Variants in SGCD observed in about 807,000 individuals in gnomAD.
The protein encoded by SGCD is delta-sarcoglycan.
In SGCD, 18 loss-of-function variants were observed where a neutral mutation model predicts 36.6. The observed-to-expected ratio is 0.49, with a 90% confidence interval of 0.34 to 0.73. The LOEUF (loss-of-function observed/expected upper bound fraction) is 0.73. Among genes scored for constraint, SGCD ranks in the 30% least tolerant of loss-of-function variants. The probability of loss-of-function intolerance (pLI) is 0.01; values close to 1 mark genes in which losing one functional copy is unlikely to be tolerated. For synonymous variants in SGCD, 133 were observed against 130.6 expected (o/e 1.02, Z -0.12); for missense variants, 387 against 346.7 (o/e 1.12, Z -0.92).
At chr5:156,212,079 C>T (rs1022589161) in intron 3 of SGCD, among the ~76,000 whole-genome samples, 1 of 152,028 alleles carries the variant, frequency 6.6e-6, no homozygotes, top group African/African-American at 2.4e-5. Context: ...CAAAGGAAGC[C>T]AGCAACAGAA....
At chr5:156,718,248 A>G (rs1001691564) in intron 7 of SGCD, among the ~76,000 whole-genome samples, 1 of 152,142 alleles carries the variant, frequency 6.6e-6, no homozygotes, top group Non-Finnish European at 1.5e-5. Flanking sequence ...TGCAGTACAC[A>G]TGAGGAGTAC....
intron 1 of SGCD, among the ~76,000 whole-genome samples, chr5:156,062,096 C>T (rs2127584334): frequency 1.2e-5 from 1 of 83,776 alleles, no homozygotes; most frequent in East Asian, 2.8e-4. Context: ...CCCGACCCCA[C>T]CACAGTCCCC....
intron 3 of SGCD, among the ~76,000 whole-genome samples, chr5:156,161,491 G>A (rs557009305): frequency 2.6e-5 from 4 of 151,982 alleles, no homozygotes; most frequent in South Asian, 2.1e-4. Flanking sequence ...CAAGGGCATC[G>A]TCTGTTGTCT....
chr5:156,400,772 TG>T (rs1772104886), intron 3 of SGCD, among the ~76,000 whole-genome samples: 1 of 152,238 alleles, frequency 6.6e-6, no homozygotes, highest in African/African-American at 2.4e-5. Context: ...TGATTTGAAA[TG>T]TGTTATTCAT....
At chr5:155,736,332 A>C in the SGCD span, among the ~76,000 whole-genome samples, 1 of 152,302 alleles carries the variant, frequency 6.6e-6, no homozygotes, top group South Asian at 2.1e-4. Context: ...CTGATTATTC[A>C]AGGAAAGAAG....
At chr5:156,181,290 G>A (rs1581151752) in intron 3 of SGCD, among the ~76,000 whole-genome samples, 1 of 152,184 alleles carries the variant, frequency 6.6e-6, no homozygotes, top group East Asian at 1.9e-4. Context: ...GCTGAAAAAT[G>A]CAAAATATTA....
intron 3 of SGCD, among the ~76,000 whole-genome samples, chr5:156,429,357 C>T (rs1773827202): frequency 6.7e-6 from 1 of 148,984 alleles, no homozygotes; most frequent in African/African-American, 2.5e-5. Context: ...TTCCGTTTGC[C>T]TAGAATATCT....
chr5:156,056,786 C>G (rs1312098835), intron 1 of SGCD, among the ~76,000 whole-genome samples: 1 of 145,512 alleles, frequency 6.9e-6, no homozygotes, highest in Non-Finnish European at 1.5e-5. Context: ...TAAATCAGTG[C>G]TATCTGGGCA....
chr5:155,830,883 T>C, the SGCD span, among the ~76,000 whole-genome samples: 1 of 152,222 alleles, frequency 6.6e-6, no homozygotes, highest in Non-Finnish European at 1.5e-5. Flanking sequence ...AATGCACTTT[T>C]TCTTTTTGCT....
At chr5:156,006,858 C>T (rs1273998076) in intron 1 of SGCD, among the ~76,000 whole-genome samples, 1 of 152,140 alleles carries the variant, frequency 6.6e-6, no homozygotes, top group African/African-American at 2.4e-5. Flanking sequence ...CTACACATAC[C>T]CATTCCCAAT....
chr5:155,924,093 C>A (rs534846795), intron 1 of SGCD, among the ~76,000 whole-genome samples: 1 of 152,160 alleles, frequency 6.6e-6, no homozygotes, highest in Non-Finnish European at 1.5e-5. Flanking sequence ...AACTTTTATT[C>A]CATGGCAGTC....
chr5:156,543,869 C>T lies in SGCD; in HGVS notation c.294+35167C>T, dbSNP rs75402650. On this transcript the variant is annotated intron_variant, in intron 4 of 8. Coordinates refer to ENST00000337851, the MANE Select transcript of SGCD (RefSeq NM_000337.6). ...GATTGTAGGGAAACTTTTTCATAAA[C>T]TCTGGTAGACCCTATGGAATTAGTC... Among the ~76,000 whole-genome samples, 1,323 of 152,240 alleles carry T rather than the reference C, an allele frequency of 8.7e-3. 8 individuals carry two copies. Among genetic ancestry groups the T allele is most frequent in the African/African-American group, 0.03 (1,251 of 41,542 alleles).
rs571052338 is a variant in SGCD at position 156,185,654 on chromosome 5, T to C, written c.-44+61635T>C. On this transcript the variant is annotated intron_variant, in intron 3 of 9. Transcript: ENST00000517913. ...AATTAACTTGAAGTTAAGGATAATC[T>C]GGCATCTGACTTTCCCCAAGGAAAC... 8.6e-5 allele frequency among the ~76,000 whole-genome samples: 13 copies of C among 151,778 alleles called. No homozygotes were observed. In the South Asian group the frequency reaches 2.5e-3, roughly 29 times the overall value.
intron 6 of SGCD, among the ~76,000 whole-genome samples, chr5:156,615,502 A>G (rs1039779700): frequency 9.9e-5 from 15 of 152,184 alleles, no homozygotes; most frequent in African/African-American, 3.4e-4. Context: ...GGACTACATG[A>G]GATGGTACAT....
At chr5:156,445,816 A>T (rs1027964077) in intron 3 of SGCD, among the ~76,000 whole-genome samples, 1 of 152,144 alleles carries the variant, frequency 6.6e-6, no homozygotes, top group South Asian at 2.1e-4. Context: ...ACACACGCAC[A>T]TGCACACACA....
chr5:156,730,578 T>C (rs1172736468), intron 7 of SGCD, among the ~76,000 whole-genome samples: 1 of 152,214 alleles, frequency 6.6e-6, no homozygotes, highest in East Asian at 1.9e-4. Flanking sequence ...GGCTGCATAG[T>C]ATTCCATGGT....
At chr5:156,737,328 T>C (rs1226082550) in intron 7 of SGCD, among the ~76,000 whole-genome samples, 1 of 152,198 alleles carries the variant, frequency 6.6e-6, no homozygotes, top group East Asian at 1.9e-4. Context: ...ACTCTGCTGC[T>C]AGCTGAGTTA....
chr5:156,677,474 G>A (rs865859951), intron 7 of SGCD, among the ~76,000 whole-genome samples: 1 of 152,092 alleles, frequency 6.6e-6, no homozygotes, highest in African/African-American at 2.4e-5. Flanking sequence ...TCACTCATAG[G>A]TGGGAATTGA....
At chr5:156,536,201 A>T (rs1758103276) in intron 4 of SGCD, among the ~76,000 whole-genome samples, 1 of 152,162 alleles carries the variant, frequency 6.6e-6, no homozygotes, top group Non-Finnish European at 1.5e-5. Context: ...CATTTTAAAA[A>T]TCCTCCTGAC....
Sources: allele counts gnomAD v4.1 joint callset (sites outside exome capture counted in the v4.1 genomes callset), GRCh38; gene constraint gnomAD v4.1.1; transcripts MANE v1.5; gene names NCBI Gene and HGNC (gene_info 2026-07-23, HGNC 2026-07-21).